The following SPAST variants were observed in gnomAD, a reference collection of about 807,000 sequenced individuals.
SPAST encodes the protein spastic paraplegia 4 (autosomal dominant; spastin).
Under a neutral mutation model 76.6 loss-of-function variants are expected in SPAST, and 30 were observed. That is an observed-to-expected ratio of 0.39 (90% CI 0.29 to 0.53). SPAST has a LOEUF of 0.53. Among genes scored for constraint, SPAST ranks in the 20% least tolerant of loss-of-function variants. The pLI is 0.68. For missense variants in SPAST, 717 were observed against 770.5 expected (o/e 0.93, Z 0.82); for synonymous variants, 305 against 281.0 (o/e 1.09, Z -0.86).
At chr2:32,103,665 T>G (rs542587701) in intron 4 of SPAST, among the ~76,000 whole-genome samples, 1 of 152,366 alleles carries the variant, frequency 6.6e-6, no homozygotes, top group South Asian at 2.1e-4. Context: ...TGATATGTTG[T>G]GTCTTTGTTC....
chr2:32,112,145 G>T (rs1678639312), intron 4 of SPAST, among the ~76,000 whole-genome samples: 1 of 151,058 alleles, frequency 6.6e-6, no homozygotes, highest in Admixed American at 6.6e-5. Flanking sequence ...TGGAGATGGG[G>T]TTTCACCATG....
At chr2:32,147,308 T>TA in intron 16 of SPAST, 50 bp downstream of exon 16, 1 of 1,100,804 alleles carries the variant, frequency 9.1e-7, no homozygotes, top group Non-Finnish European at 1.4e-6. Context: ...TTGTAAGACA[T>TA]ATATAAGACA....
intron 1 of SPAST, among the ~76,000 whole-genome samples, chr2:32,081,246 C>T (rs1206903878): frequency 3.3e-5 from 5 of 152,142 alleles, no homozygotes; most frequent in African/African-American, 4.8e-5. Flanking sequence ...CGTGAGCCAC[C>T]TCACCTGGCG....
At chr2:32,127,711 C>G (rs1226652219) in intron 8 of SPAST, 1 of 150,270 alleles carries the variant, frequency 6.7e-6, no homozygotes, top group Non-Finnish European at 1.5e-5. Context: ...CTCTGGATAC[C>G]TCTTTCCTCT....
chr2:32,152,712 C>G (rs1011602914), intron 16 of SPAST, among the ~76,000 whole-genome samples: 3 of 150,676 alleles, frequency 2.0e-5, no homozygotes, highest in African/African-American at 7.3e-5. Flanking sequence ...TCATATAGTG[C>G]TTATGGGGTT....
chr2:32,150,276 G>A lies in SPAST; in HGVS notation c.1728+3018G>A, dbSNP rs866511646. On this transcript the variant is annotated intron_variant, in intron 16 of 16. Coordinates refer to ENST00000315285, the MANE Select transcript of SPAST (RefSeq NM_014946.4). ...TTTTTTTTTTTTTGTATTTGTAGTA[G>A]AGACAGAGTTTCACCATGTTGGCCA... Among the ~76,000 whole-genome samples the A allele has an allele frequency of 2.3e-4, 28 of 121,650 alleles. No homozygotes were observed. In the South Asian group the frequency reaches 7.5e-3, roughly 32 times the overall value. The allele number at this position is 121,650 out of a possible 152,430, so 79.8% of individuals were successfully genotyped here. A position where few individuals can be genotyped will look rare whatever the true frequency, so the allele number is the denominator to read the frequency against.
At chr2:32,138,604 T>C (rs1679618182) in intron 12 of SPAST, among the ~76,000 whole-genome samples, 1 of 152,208 alleles carries the variant, frequency 6.6e-6, no homozygotes, top group Non-Finnish European at 1.5e-5. Flanking sequence ...GATGCAGTTC[T>C]GTAGATTGTC....
chr2:32,114,957 A>AATTT, intron 5 of SPAST, 132 bp downstream of exon 5: 1 of 492,176 alleles, frequency 2.0e-6, no homozygotes, highest in Non-Finnish European at 3.5e-6. Context: ...ATAAAGTTAA[A>AATTT]TTTTTTTTTT....
rs535793949 is a variant in SPAST, at chr2:32,072,951, C to T, written c.415+8705C>T. On this transcript the variant is annotated intron_variant, in intron 1 of 16. Coordinates refer to ENST00000315285, the MANE Select transcript of SPAST (RefSeq NM_014946.4). Reference sequence around the variant, plus strand: ...GATACCATACTTTTCCAAAAGATAACATTGCTTTTGATTACATATGCAATA... The same window carrying T: ...GATACCATACTTTTCCAAAAGATAATATTGCTTTTGATTACATATGCAATA... 2.6e-5 allele frequency among the ~76,000 whole-genome samples: 4 copies of T among 152,300 alleles called. No homozygotes were observed. In the East Asian group the frequency reaches 7.7e-4, roughly 29 times the overall value.
At chr2:32,125,096 A>G (rs1351138153) in intron 7 of SPAST, among the ~76,000 whole-genome samples, 1 of 152,214 alleles carries the variant, frequency 6.6e-6, no homozygotes, top group Non-Finnish European at 1.5e-5. Context: ...CTACACTAAT[A>G]CAAGATATTC....
At chr2:32,144,033 C>A (rs764597316) in intron 14 of SPAST, among the ~76,000 whole-genome samples, 25 of 152,012 alleles carry the variant, frequency 1.6e-4, no homozygotes, top group Non-Finnish European at 2.9e-4. Flanking sequence ...ACTTTATGAA[C>A]AGTGTGAAGT....
At chr2:32,113,640 A>G (rs1678706439) in intron 4 of SPAST, among the ~76,000 whole-genome samples, 1 of 129,750 alleles carries the variant, frequency 7.7e-6, no homozygotes, top group African/African-American at 3.0e-5. Context: ...ATCTCGGCTT[A>G]CTGCAACCTC....
At chr2:32,122,476 C>G (rs1679052323) in intron 7 of SPAST, among the ~76,000 whole-genome samples, 1 of 152,138 alleles carries the variant, frequency 6.6e-6, no homozygotes, top group Non-Finnish European at 1.5e-5. Flanking sequence ...CATGCACCAC[C>G]ACGCCTGGCT....
chr2:32,066,994 CA>C (rs1553395256), intron 1 of SPAST, among the ~76,000 whole-genome samples: 1,644 of 47,082 alleles, frequency 0.035, 59 homozygotes, highest in African/African-American at 0.067. Context: ...AAAAAAAAAC[CA>C]AAAAAAAAAA....
At chr2:32,111,970 T>TTAGTAG (rs55815291) in intron 4 of SPAST, among the ~76,000 whole-genome samples, 5,190 of 141,240 alleles carry the variant, frequency 0.037, 94 homozygotes, top group East Asian at 0.067. Context: ...TATAATTAAG[T>TTAGTAG]TAGTAGTAGT....
At chr2:32,103,309 G>T (rs1462628082) in intron 4 of SPAST, among the ~76,000 whole-genome samples, 4 of 152,086 alleles carry the variant, frequency 2.6e-5, no homozygotes, top group Non-Finnish European at 5.9e-5. Flanking sequence ...AATCGGTGGT[G>T]ATATCCCCTT....
intron 15 of SPAST, 64 bp from the exon 16 acceptor site, chr2:32,147,154 C>A: frequency 1.8e-6 from 2 of 1,098,944 alleles, no homozygotes; most frequent in Non-Finnish European, 2.8e-6. Context: ...CTTGGTTTTG[C>A]CCTTCAACAA....
At chr2:32,074,545 A>G (rs1676875252) in intron 1 of SPAST, among the ~76,000 whole-genome samples, 1 of 150,596 alleles carries the variant, frequency 6.6e-6, no homozygotes, top group East Asian at 2.0e-4. Context: ...TGGCTCTGTC[A>G]CCCAGGCTGG....
intron 1 of SPAST, among the ~76,000 whole-genome samples, chr2:32,077,437 AG>A (rs773559044): frequency 6.6e-6 from 1 of 152,186 alleles, no homozygotes; most frequent in Non-Finnish European, 1.5e-5. Context: ...AGATACTAAA[AG>A]TAGTGTTTCC....
Sources: gnomAD v4.1 joint callset for allele counts (sites outside exome capture counted in the v4.1 genomes callset) on GRCh38, gnomAD v4.1.1 for gene constraint, MANE v1.5 for transcripts, NCBI Gene and HGNC (gene_info 2026-07-23, HGNC 2026-07-21) for gene names.